TAPT1: variants seen among roughly 807,000 people sequenced by gnomAD.
TAPT1 encodes the protein transmembrane anterior posterior transformation 1.
A neutral mutation model predicts 65.6 loss-of-function variants in TAPT1; 28 were observed. The observed-to-expected ratio is 0.43, with a 90% CI of 0.32 to 0.59. The LOEUF is 0.59. TAPT1 is among the 20% of genes least tolerant of loss of function. The pLI is 0.09. For missense variants in TAPT1, 563 were observed against 679.9 expected, an observed-to-expected ratio of 0.83 and a Z score of 1.91; for synonymous variants, 278 against 245.2, an observed-to-expected ratio of 1.13 and a Z score of -1.25.
chr4:16,205,807 T>C (rs1305780338), intron 2 of TAPT1, among the ~76,000 whole-genome samples: 1 of 152,176 alleles, frequency 6.6e-6, no homozygotes, highest in Non-Finnish European at 1.5e-5. Flanking sequence ...GCAAGAGGCA[T>C]AAAAATCACG....
At position 16,174,195 on chromosome 4, in the gene TAPT1, T is replaced by C; in HGVS notation, c.1236+9A>G. 1 of 1,590,016 alleles carries C rather than the reference T, an allele frequency of 6.3e-7. No individual in the cohort carries two copies. The highest frequency in any genetic ancestry group is 1.2e-5 in the South Asian group (1 of 86,924). Reference sequence around the variant, plus strand: ...TTGTTACAAAAAACATTAAAAAGTATGCACTTACTAAAACAGCTAGTGGGA... The same window carrying C: ...TTGTTACAAAAAACATTAAAAAGTACGCACTTACTAAAACAGCTAGTGGGA... On this transcript the variant is annotated intron_variant, in intron 11 of 13. Transcript: ENST00000405303.
chr4:16,211,075 A>G (rs567857943), intron 2 of TAPT1, among the ~76,000 whole-genome samples: 52 of 152,104 alleles, frequency 3.4e-4, no homozygotes, highest in Non-Finnish European at 6.0e-4. Context: ...AACAGGTTTG[A>G]TAAGACATAT....
Position 16,176,171 on chromosome 4 carries a change from A to T in TAPT1, c.1055T>A (p.Val352Glu). 1 of 1,579,224 alleles carries T rather than the reference A, an allele frequency of 6.3e-7. No individual in the cohort carries two copies. The highest frequency in any genetic ancestry group is 8.6e-7 in the Non-Finnish European group (1 of 1,161,174). The change falls in exon 9 of 14, where the codon GTG becomes GAG. Residue 352 changes from valine to glutamate, a missense_variant. Transcript: ENST00000405303. ...AATAAAGGCATGTTTTACAATATCC[A>T]CGGCAATTTCTGATGCAATTACCAT... ...VCMVIASEIA[V>E]DIVKHAFITK...
rs567296380 is a variant in TAPT1, at chr4:16,166,530, T to C, written c.1474+103A>G. The stretch of plus-strand genomic sequence containing the variant: ...AACCATTAAAAGACCCAAAAATCTA[T>C]GCAAAGGGAAACCAATCTTTAAAGC... On this transcript the variant is annotated intron_variant, in intron 13 of 13. Transcript: ENST00000405303. 183 of 1,427,630 alleles carry C rather than the reference T, an allele frequency of 1.3e-4. 2 individuals carry two copies. The African/African-American group carries it at 2.3e-3, about 18-fold the overall frequency. 88.4% of individuals were successfully genotyped at this position (1,427,630 alleles called of 1,614,324 possible).
At chr4:16,216,591 C>G (rs930019613) in intron 1 of TAPT1, among the ~76,000 whole-genome samples, 5 of 152,196 alleles carry the variant, frequency 3.3e-5, no homozygotes, top group Non-Finnish European at 4.4e-5. Context: ...CCTGGCATTA[C>G]CAGTGACATA....
At position 16,186,767 on chromosome 4, in the gene TAPT1, A is replaced by C; in HGVS notation, c.846+14T>G. On this transcript the variant is annotated intron_variant, in intron 6 of 13. Coordinates refer to ENST00000405303, the MANE Select transcript of TAPT1 (RefSeq NM_153365.3). ...TGTATAACTTCAAAAATGTAAGATA[A>C]ATCTCATACTTACATTATTAGACAT... 1.9e-6 allele frequency: 3 copies of C among 1,547,590 alleles called. No homozygotes were observed. Among genetic ancestry groups the C allele is most frequent in the South Asian group, 2.3e-5 (2 of 88,746 alleles).
In TAPT1 at chr4:16,163,309, C is replaced by T; in HGVS notation, c.1703G>A (p.Ter568=). 2 of 1,612,758 alleles carry T rather than the reference C, an allele frequency of 1.2e-6. No homozygotes were observed. The highest frequency in any genetic ancestry group is 1.1e-5 in the South Asian group (1 of 91,038). Reference sequence around the variant, plus strand: ...TCTTCAGCGCATGAAGCCACAGATTCAGTCAATTCGGTTTCCACAAATTGT... The same window carrying T: ...TCTTCAGCGCATGAAGCCACAGATTTAGTCAATTCGGTTTCCACAAATTGT... The part of the protein sequence containing the change: ...RFTICGNRID[*] Residue 568 remains the stop codon, a stop_retained_variant, in exon 14 of 14, where the codon TGA becomes TAA. Coordinates refer to ENST00000405303, the MANE Select transcript of TAPT1 (RefSeq NM_153365.3).
intron 1 of TAPT1, among the ~76,000 whole-genome samples, chr4:16,215,568 T>C (rs905400196): frequency 5.3e-5 from 8 of 152,148 alleles, no homozygotes; most frequent in African/African-American, 1.9e-4. Flanking sequence ...GAGAGATACC[T>C]GGAGTTGAAA....
Position 16,166,338 on chromosome 4 carries a change from C to T in TAPT1, c.1474+295G>A, listed in dbSNP as rs79752733. Among the ~76,000 whole-genome samples the T allele has an allele frequency of 0.019, 2,874 of 152,338 alleles. 91 individuals carry two copies. The highest frequency in any genetic ancestry group is 0.065 in the African/African-American group (2,694 of 41,562). ...TATTTATTTCTCTCTACCCCTCTTC[C>T]CGACAATCTAGAACAAGCTCCATGG... On this transcript the variant is annotated intron_variant, in intron 13 of 13. Transcript: ENST00000405303.
intron 2 of TAPT1, among the ~76,000 whole-genome samples, chr4:16,204,382 T>C (rs925217840): frequency 6.6e-6 from 1 of 152,270 alleles, no homozygotes; most frequent in Non-Finnish European, 1.5e-5. Flanking sequence ...AAGTTCTTTG[T>C]GCAAAACTGA....
At chr4:16,226,108 CTCGGCGGCT>C (rs1244184780) in intron 1 of TAPT1, 142 bp downstream of exon 1, 2 of 1,031,308 alleles carry the variant, frequency 1.9e-6, no homozygotes, top group African/African-American at 1.7e-5. Flanking sequence ...CCTCGGCAGC[CTCGGCGGCT>C]CCGCGCGCCC....
intron 13 of TAPT1, 35 bp downstream of exon 13, chr4:16,166,598 T>C: frequency 6.2e-7 from 1 of 1,602,156 alleles, no homozygotes; most frequent in Non-Finnish European, 8.5e-7. Context: ...TCTTTGAAAA[T>C]GATCCAGGGA....
chr4:16,222,685 A>G (rs4431220), intron 1 of TAPT1, among the ~76,000 whole-genome samples: 152,384 of 152,384 alleles, frequency 1, 76,192 homozygotes, highest in Non-Finnish European at 1. Flanking sequence ...GAAATCTTTT[A>G]AGGGTATTGC....
chr4:16,199,290 G>A (rs1749898056), intron 3 of TAPT1, among the ~76,000 whole-genome samples: 1 of 152,084 alleles, frequency 6.6e-6, no homozygotes. Flanking sequence ...TGTTTGCAGG[G>A]GAAATCCTCA....
At chr4:16,194,316 A>C (rs1422423957) in intron 3 of TAPT1, among the ~76,000 whole-genome samples, 3 of 152,208 alleles carry the variant, frequency 2.0e-5, no homozygotes, top group Admixed American at 2.0e-4. Flanking sequence ...GTTCACAATA[A>C]TCCTATTTAT....
intron 1 of TAPT1, among the ~76,000 whole-genome samples, chr4:16,225,143 A>G (rs756953408): frequency 1.9e-4 from 29 of 152,260 alleles, no homozygotes; most frequent in Admixed American, 1.3e-4. Flanking sequence ...TTAATTGAAA[A>G]AGACCAAACA....
At chr4:16,200,688 G>A (rs1457935689) in intron 3 of TAPT1, among the ~76,000 whole-genome samples, 1 of 152,032 alleles carries the variant, frequency 6.6e-6, no homozygotes, top group Admixed American at 6.5e-5. Context: ...GTTTCTATTC[G>A]CTTTATCCCG....
At chr4:16,214,967 C>T (rs1268173935) in intron 1 of TAPT1, among the ~76,000 whole-genome samples, 1 of 152,042 alleles carries the variant, frequency 6.6e-6, no homozygotes, top group Non-Finnish European at 1.5e-5. Flanking sequence ...TGATCTAAAG[C>T]CTACATGTGA....
chr4:16,199,055 A>G (rs1438181662), intron 3 of TAPT1, among the ~76,000 whole-genome samples: 2 of 152,200 alleles, frequency 1.3e-5, no homozygotes, highest in Non-Finnish European at 2.9e-5. Context: ...GGATTTTCAT[A>G]TTCTGTGTAA....
Sources: gnomAD v4.1 joint callset for allele counts (sites outside exome capture counted in the v4.1 genomes callset) on GRCh38, gnomAD v4.1.1 for gene constraint, MANE v1.5 for transcripts, NCBI Gene and HGNC (gene_info 2026-07-23, HGNC 2026-07-21) for gene names.